MARCHF8: variants seen among roughly 807,000 people sequenced by gnomAD.
MARCHF8 encodes the protein E3 ubiquitin-protein ligase MARCHF8.
In MARCHF8, 40 loss-of-function variants were observed where a neutral mutation model predicts 51.6. The ratio of observed to expected loss-of-function variants is 0.77; its 90% CI spans 0.60 to 1.01. The LOEUF (loss-of-function observed/expected upper bound fraction) is 1.01, where lower values mean the gene tolerates loss of function less well. Ranked by LOEUF, MARCHF8 falls within the 50% of genes least tolerant of loss-of-function variation. MARCHF8 has a pLI of 0.00. For missense variants in MARCHF8, 685 were observed against 708.6 expected (o/e 0.97, Z 0.38); for synonymous variants, 263 against 280.3 (o/e 0.94, Z 0.62).
intron 1 of MARCHF8, among the ~76,000 whole-genome samples, chr10:45,561,082 C>T (rs547071827): frequency 1.1e-4 from 17 of 151,962 alleles, no homozygotes; most frequent in Non-Finnish European, 2.1e-4. Flanking sequence ...GGCAGGGCAC[C>T]TGTCTAGTGC....
intron 1 of MARCHF8, among the ~76,000 whole-genome samples, chr10:45,557,469 T>C (rs17768548): frequency 0.15 from 23,142 of 152,060 alleles, 1,837 homozygotes; most frequent in Middle Eastern, 0.23. Flanking sequence ...CCATTGTCTA[T>C]TCTATCCTAC....
At chr10:45,541,411 G>C (rs1039170190) in intron 1 of MARCHF8, among the ~76,000 whole-genome samples, 3 of 152,058 alleles carry the variant, frequency 2.0e-5, no homozygotes, top group African/African-American at 7.3e-5. Flanking sequence ...CACACACCGG[G>C]GCCTGTTGCG....
intron 1 of MARCHF8, among the ~76,000 whole-genome samples, chr10:45,554,766 A>G (rs1397252984): frequency 2.0e-5 from 3 of 152,110 alleles, no homozygotes; most frequent in Non-Finnish European, 4.4e-5. Flanking sequence ...TAAAAATATA[A>G]AATTAGGGCC....
intron 2 of MARCHF8, among the ~76,000 whole-genome samples, chr10:45,519,380 C>T (rs983467191): frequency 1.3e-5 from 2 of 152,072 alleles, no homozygotes; most frequent in Admixed American, 1.3e-4. Context: ...ACAATGAGAA[C>T]AGAAAGGAAG....
At chr10:45,590,744 C>A (rs535497133) in intron 1 of MARCHF8, among the ~76,000 whole-genome samples, 1 of 152,224 alleles carries the variant, frequency 6.6e-6, no homozygotes, top group South Asian at 2.1e-4. Context: ...AGAAAGCAGG[C>A]CAGGCGCAGT....
At chr10:45,511,322 A>G (rs1274223256) in intron 2 of MARCHF8, among the ~76,000 whole-genome samples, 1 of 152,166 alleles carries the variant, frequency 6.6e-6, no homozygotes, top group East Asian at 1.9e-4. Flanking sequence ...ATCTATGTCA[A>G]TATAAGTCAG....
intron 1 of MARCHF8, among the ~76,000 whole-genome samples, chr10:45,576,974 G>A (rs78659494): frequency 4.2e-3 from 508 of 120,024 alleles, no homozygotes; most frequent in Middle Eastern, 0.018. Context: ...AAAGAGAAAA[G>A]AAAAAAAAAA....
chr10:45,460,322 T>C (rs1440033047), intron 6 of MARCHF8, among the ~76,000 whole-genome samples: 1 of 152,174 alleles, frequency 6.6e-6, no homozygotes, highest in Non-Finnish European at 1.5e-5. Context: ...TCTAAACTCC[T>C]TGCACTCTGC....
At chr10:45,567,727 A>G (rs1289065147) in intron 1 of MARCHF8, among the ~76,000 whole-genome samples, 1 of 152,122 alleles carries the variant, frequency 6.6e-6, no homozygotes, top group African/African-American at 2.4e-5. Flanking sequence ...TAATTCCTCC[A>G]GTCTTGTTCT....
chr10:45,470,818 C>A (rs2042674920), intron 3 of MARCHF8, among the ~76,000 whole-genome samples: 2 of 152,178 alleles, frequency 1.3e-5, no homozygotes, highest in Admixed American at 1.3e-4. Flanking sequence ...TTGCAATGTG[C>A]AGACTGAGAT....
At position 45,457,925 on chromosome 10, in the gene MARCHF8, T is replaced by G; in HGVS notation, c.*314A>C. ...GCCTGGGCACCCCTGCTCCTCCTCT[T>G]CCCTTGGGATTGGCATTTTATTCTC... On this transcript the variant is annotated 3_prime_UTR_variant, in exon 8 of 8. Transcript: ENST00000453424. 1 of 312,188 alleles carries G rather than the reference T, an allele frequency of 3.2e-6. No individual in the cohort carries two copies. The highest frequency in any genetic ancestry group is 5.8e-6 in the Non-Finnish European group (1 of 172,366). 19.3% of individuals were successfully genotyped at this position (312,188 alleles called of 1,614,324 possible). A position where few individuals can be genotyped will look rare whatever the true frequency, so the allele number is the denominator to read the frequency against.
chr10:45,575,496 C>G lies in MARCHF8; in HGVS notation c.-79+18739G>C, dbSNP rs148217730. Among the ~76,000 whole-genome samples, 610 of 152,276 alleles carry G rather than the reference C, an allele frequency of 4.0e-3. 6 individuals are homozygous for G. Among genetic ancestry groups the G allele is most frequent in the Non-Finnish European group, 6.5e-3 (441 of 68,012 alleles). On this transcript the variant is annotated intron_variant, in intron 1 of 6. Transcript: ENST00000319836. ...CCAATAATTCTATACGACAAATGCT[C>G]CTTCAAACAACCCCACAATATCACC...
In MARCHF8 at chr10:45,570,742, T is replaced by G. The variant is rs2044419589; in HGVS notation, c.-79+23493A>C. 3.3e-5 allele frequency among the ~76,000 whole-genome samples: 5 copies of G among 152,206 alleles called. 1 individual carries two copies. The South Asian group carries it at 1.0e-3, about 31-fold the overall frequency. On this transcript the variant is annotated intron_variant, in intron 1 of 6. Coordinates refer to the MARCHF8 transcript ENST00000319836. ...AAGAATTATGTCAATCTAACAAGAT[T>G]CATTTAAGTAAGTTTGGCAAAGTTG...
At chr10:45,557,636 T>C (rs1012744110) in intron 1 of MARCHF8, among the ~76,000 whole-genome samples, 66 of 152,298 alleles carry the variant, frequency 4.3e-4, no homozygotes, top group African/African-American at 1.5e-3. Flanking sequence ...TACGACCTCC[T>C]GTGCAGAGGA....
At chr10:45,461,595 C>T (rs756840193) in intron 5 of MARCHF8, 184 bp from the exon 6 acceptor site, 8 of 422,708 alleles carry the variant, frequency 1.9e-5, no homozygotes, top group Admixed American at 4.4e-5. Flanking sequence ...TCTAGCTTAC[C>T]GCACCAACAT....
chr10:45,555,913 C>T (rs1476381324), intron 1 of MARCHF8, among the ~76,000 whole-genome samples: 3 of 152,044 alleles, frequency 2.0e-5, no homozygotes, highest in African/African-American at 7.2e-5. Context: ...ATAAGCTATA[C>T]CTCTGGGTAA....
intron 1 of MARCHF8, among the ~76,000 whole-genome samples, chr10:45,575,826 G>A (rs962534611): frequency 6.6e-6 from 1 of 152,078 alleles, no homozygotes; most frequent in African/African-American, 2.4e-5. Flanking sequence ...TGCCTTAACT[G>A]ATGACATTAC....
chr10:45,563,764 AAATT>A (rs2044335587), intron 1 of MARCHF8, among the ~76,000 whole-genome samples: 1 of 152,240 alleles, frequency 6.6e-6, no homozygotes, highest in Non-Finnish European at 1.5e-5. Context: ...TATAAAACAT[AAATT>A]AATTTCAGTT....
chr10:45,476,536 C>T (rs1264911327), intron 3 of MARCHF8, among the ~76,000 whole-genome samples: 4 of 152,182 alleles, frequency 2.6e-5, no homozygotes, highest in African/African-American at 9.6e-5. Flanking sequence ...CCACTGTACT[C>T]CTGCCTGGGC....
Sources: gnomAD v4.1 joint callset for allele counts (sites outside exome capture counted in the v4.1 genomes callset) on GRCh38, gnomAD v4.1.1 for gene constraint, MANE v1.5 for transcripts, NCBI Gene and HGNC (gene_info 2026-07-23, HGNC 2026-07-21) for gene names.